Variants in RYR2 observed in about 807,000 individuals in gnomAD.
RYR2 encodes the protein cardiac muscle ryanodine receptor-calcium release channel.
RYR2 carries 227 observed loss-of-function variants against 601.1 expected under a neutral mutation model. The ratio of observed to expected loss-of-function variants is 0.38; its 90% CI spans 0.34 to 0.42. The LOEUF is 0.42. Among genes scored for constraint, RYR2 ranks in the 10% least tolerant of loss-of-function variants. The pLI, the probability that RYR2 is intolerant of heterozygous loss-of-function variation, is 1.00. For synonymous variants in RYR2, 2,223 were observed against 2,175.1 expected (o/e 1.02, Z -0.61); for missense variants, 4,646 against 6,156.5 (o/e 0.75, Z 8.21).
intron 53 of RYR2, among the ~76,000 whole-genome samples, chr1:237,656,301 C>G (rs545335593): frequency 7.8e-4 from 118 of 152,112 alleles, no homozygotes; most frequent in African/African-American, 2.7e-3. Flanking sequence ...TTATTAATAA[C>G]GACAATCAAC....
At chr1:237,677,931 T>A (rs1000215225) in intron 60 of RYR2, 117 bp from the exon 61 acceptor site, 3 of 672,132 alleles carry the variant, frequency 4.5e-6, no homozygotes, top group Non-Finnish European at 5.2e-6. Flanking sequence ...GTTGGCTTTT[T>A]ACATTCAGTT....
chr1:237,579,911 A>C (rs1328836257), intron 29 of RYR2, among the ~76,000 whole-genome samples: 1 of 152,172 alleles, frequency 6.6e-6, no homozygotes, highest in Non-Finnish European at 1.5e-5. Flanking sequence ...AGCAACAATA[A>C]AGTTGGAAAA....
chr1:237,672,078 G>T (rs1186310062), intron 58 of RYR2, among the ~76,000 whole-genome samples: 3 of 152,140 alleles, frequency 2.0e-5, no homozygotes, highest in Non-Finnish European at 2.9e-5. Flanking sequence ...AAATGGGAAA[G>T]TTGAGGGTGG....
At chr1:237,687,366 C>CTTTTTTTTTTTTTTTTTTTTTTTTTTTCT (rs10679267) in intron 62 of RYR2, 89 bp from the exon 63 acceptor site, 6 of 259,148 alleles carry the variant, frequency 2.3e-5, no homozygotes, top group East Asian at 1.5e-4. Context: ...TTTTCTTCTT[C>CTTTTTTTTTTTTTTTTTTTTTTTTTTTCT]TTTTTTTTTT....
rs746133377 is a variant in RYR2, at chr1:237,546,993, A to ATATATATATATATATATATATATT, written c.2907-1435_2907-1434insATATATATATATATATATATTTAT. The stretch of plus-strand genomic sequence containing the variant: ...TTCAAAAGCATATATATATATATAT[A>ATATATATATATATATATATATATT]TATTTATTTATTTATTTATTTATTT... On this transcript the variant is annotated intron_variant, in intron 25 of 104. Coordinates refer to ENST00000366574, the MANE Select transcript of RYR2 (RefSeq NM_001035.3). 2.8e-4 allele frequency among the ~76,000 whole-genome samples: 36 copies of ATATATATATATATATATATATATT among 127,380 alleles called. 1 individual carries two copies. The highest frequency in any genetic ancestry group is 8.0e-4 in the South Asian group (3 of 3,758). 83.6% of individuals were successfully genotyped at this position (127,380 alleles called of 152,430 possible). A position where few individuals can be genotyped will look rare whatever the true frequency, so the allele number is the denominator to read the frequency against.
intron 101 of RYR2, among the ~76,000 whole-genome samples, chr1:237,822,478 C>T (rs1314905115): frequency 6.6e-6 from 1 of 151,442 alleles, no homozygotes. Flanking sequence ...CAAGCAAATG[C>T]TGAGAGATTT....
chr1:237,093,271 G>A (rs974340370), intron 1 of RYR2, among the ~76,000 whole-genome samples: 4 of 152,206 alleles, frequency 2.6e-5, no homozygotes. Context: ...AGGACATGTT[G>A]TAGTGACATT....
chr1:237,366,171 A>T lies in RYR2; in HGVS notation c.309+1799A>T, dbSNP rs867338598. 5.0e-4 allele frequency among the ~76,000 whole-genome samples: 76 copies of T among 152,252 alleles called. 1 individual carries two copies. The Middle Eastern group carries it at 0.01, about 20-fold the overall frequency. On this transcript the variant is annotated intron_variant, in intron 5 of 104. Coordinates refer to ENST00000366574, the MANE Select transcript of RYR2 (RefSeq NM_001035.3). ...CAGATGGATGCTTTCTTGTTGTGGG[A>T]GCCTATTTCTGCTGGTTGGTGCTAA...
At chr1:237,338,720 G>A (rs925736276) in intron 3 of RYR2, among the ~76,000 whole-genome samples, 1 of 152,080 alleles carries the variant, frequency 6.6e-6, no homozygotes, top group Non-Finnish European at 1.5e-5. Flanking sequence ...TGGTATTATG[G>A]TATCTGCTCA....
In RYR2 at chr1:237,614,740, A is replaced by G. The variant is rs895322404; in HGVS notation, c.5612A>G (p.Asp1871Gly). 1 of 1,613,964 alleles carries G rather than the reference A, an allele frequency of 6.2e-7. No individual in the cohort carries two copies. The highest frequency in any genetic ancestry group is 8.5e-7 in the Non-Finnish European group (1 of 1,179,864). The change falls in exon 37 of 105, where the codon GAC (aspartate) becomes GGC (glycine). Residue 1871 changes from aspartate to glycine, a missense_variant. Physicochemically the swap from Asp to Gly is moderately conservative, Grantham distance 94. Around this residue, in one of 17 missense-constraint regions of RYR2, gnomAD observed 1,807 missense variants for 2,088.1 expected, o/e 0.87. Coordinates refer to ENST00000366574, the MANE Select transcript of RYR2 (RefSeq NM_001035.3). The surrounding 1 kb of genome is among the most constrained non-coding windows in gnomAD (Gnocchi z 4.3). ...ACGCTGGAGAAAGAGCTCAGTGTGGACGATGCAAAGCTGCAAGGAGCTGGT... is the reference window on the plus strand; with the variant it reads ...ACGCTGGAGAAAGAGCTCAGTGTGGGCGATGCAAAGCTGCAAGGAGCTGGT... ...SDTLEKELSVDDAKLQGAGEE... is the reference protein window; with the variant it reads ...SDTLEKELSVGDAKLQGAGEE...
intron 80 of RYR2, chr1:237,743,697 C>T: frequency 2.1e-6 from 1 of 478,938 alleles, no homozygotes; most frequent in Non-Finnish European, 4.2e-6. Flanking sequence ...TTTGTTAGAC[C>T]CAACATCTTG....
intron 35 of RYR2, among the ~76,000 whole-genome samples, chr1:237,604,034 A>G (rs1332639761): frequency 6.6e-6 from 1 of 152,210 alleles, no homozygotes; most frequent in South Asian, 2.1e-4. Flanking sequence ...GTTAACAAGG[A>G]TATCTAGGAA....
chr1:237,715,331 A>G (rs758621592), intron 71 of RYR2, among the ~76,000 whole-genome samples: 1 of 152,192 alleles, frequency 6.6e-6, no homozygotes, highest in African/African-American at 2.4e-5. Flanking sequence ...AATACCCAAT[A>G]TGTGCGTACA....
At chr1:237,043,223 C>T (rs1240385527) in intron 1 of RYR2, among the ~76,000 whole-genome samples, 1 of 152,118 alleles carries the variant, frequency 6.6e-6, no homozygotes, top group African/African-American at 2.4e-5. Flanking sequence ...GTTCCCGGGG[C>T]TGGTGCCATC....
At chr1:237,742,201 A>G in intron 79 of RYR2, 95 bp from the exon 80 acceptor site, 1 of 774,872 alleles carries the variant, frequency 1.3e-6, no homozygotes, top group South Asian at 1.7e-5. Flanking sequence ...ATAAATTAAT[A>G]CAAATGATTT....
intron 2 of RYR2, among the ~76,000 whole-genome samples, chr1:237,299,555 G>A (rs1001665333): frequency 2.6e-5 from 4 of 152,154 alleles, no homozygotes; most frequent in Non-Finnish European, 5.9e-5. Flanking sequence ...GGTTTCCTGA[G>A]ACACCCAAGA....
chr1:237,488,048 T>C (rs1438648125), intron 17 of RYR2, among the ~76,000 whole-genome samples: 2 of 152,154 alleles, frequency 1.3e-5, no homozygotes, highest in African/African-American at 4.8e-5. Flanking sequence ...CTTTGTGACA[T>C]ACGCTATTTA....
At chr1:237,287,214 T>C (rs113288198) in intron 2 of RYR2, among the ~76,000 whole-genome samples, 316 of 152,178 alleles carry the variant, frequency 2.1e-3, no homozygotes, top group African/African-American at 7.3e-3. Context: ...ATAGGCTACC[T>C]GGTGCTTCTG....
intron 1 of RYR2, among the ~76,000 whole-genome samples, chr1:237,142,518 G>A (rs1673499551): frequency 1.3e-5 from 2 of 152,184 alleles, no homozygotes; most frequent in Admixed American, 1.3e-4. Flanking sequence ...CCAGTAATCT[G>A]GGGTGTACCA....
Sources: gnomAD v4.1 joint callset for allele counts (sites outside exome capture counted in the v4.1 genomes callset) on GRCh38, gnomAD v4.1.1 for gene constraint, gnomAD v4.1.1 regional missense constraint, Gnocchi (gnomAD v3.1) non-coding constraint, MANE v1.5 for transcripts, NCBI Gene and HGNC (gene_info 2026-07-23, HGNC 2026-07-21) for gene names.